The following CNTLN variants were observed in gnomAD, a reference collection of about 807,000 sequenced individuals.
CNTLN encodes centlein, also known as centlein, centrosomal protein.
In CNTLN, 212 loss-of-function variants were observed where a neutral mutation model predicts 180.0. That is an observed-to-expected ratio of 1.18 (90% CI 1.05 to 1.32). The LOEUF (loss-of-function observed/expected upper bound fraction) is 1.32, where lower values mean the gene tolerates loss of function less well. Ranked by LOEUF, CNTLN falls within the 40% of genes most tolerant of loss-of-function variation. The probability of loss-of-function intolerance (pLI) is 0.00; values close to 1 mark genes in which losing one functional copy is unlikely to be tolerated. For missense variants in CNTLN, 2,095 were observed against 1,610.9 expected (o/e 1.30, Z -5.14); for synonymous variants, 722 against 563.1 (o/e 1.28, Z -3.99).
At chr9:17,448,768 T>C (rs1830600964) in intron 18 of CNTLN, among the ~76,000 whole-genome samples, 1 of 152,204 alleles carries the variant, frequency 6.6e-6, no homozygotes, top group Non-Finnish European at 1.5e-5. Context: ...ATTCTTTTCT[T>C]CTTACTGCCA....
chr9:17,425,013 C>G (rs1026915907), intron 18 of CNTLN, among the ~76,000 whole-genome samples: 1 of 152,122 alleles, frequency 6.6e-6, no homozygotes, highest in African/African-American at 2.4e-5. Flanking sequence ...GTTATACATG[C>G]TGTTTAGTGT....
chr9:17,509,986 A>C, the CNTLN span, among the ~76,000 whole-genome samples: 5 of 152,148 alleles, frequency 3.3e-5, no homozygotes. Flanking sequence ...GATCCTGACT[A>C]CCAAGGGGAA....
chr9:17,253,884 C>T (rs62558297), intron 5 of CNTLN, among the ~76,000 whole-genome samples: 35,015 of 150,574 alleles, frequency 0.23, 4,298 homozygotes, highest in South Asian at 0.37. Flanking sequence ...CTTAATTTTT[C>T]CCCATTTAAT....
intron 8 of CNTLN, among the ~76,000 whole-genome samples, chr9:17,312,819 A>G (rs2132955311): frequency 6.6e-6 from 1 of 152,236 alleles, no homozygotes; most frequent in African/African-American, 2.4e-5. Context: ...TGCTCCTTAA[A>G]TATCAATATT....
intron 6 of CNTLN, among the ~76,000 whole-genome samples, chr9:17,288,219 G>T (rs1488116966): frequency 2.5e-5 from 3 of 121,324 alleles, no homozygotes; most frequent in Admixed American, 8.0e-5. Flanking sequence ...CTTTGTTCTC[G>T]TTGGTTTCAA....
intron 5 of CNTLN, among the ~76,000 whole-genome samples, chr9:17,239,913 A>T (rs1312898229): frequency 6.6e-6 from 1 of 151,784 alleles, no homozygotes; most frequent in African/African-American, 2.4e-5. Context: ...TGTCCTCCAT[A>T]TTTTTTCTTT....
chr9:17,337,594 A>G (rs373781279), intron 10 of CNTLN, among the ~76,000 whole-genome samples: 16 of 152,204 alleles, frequency 1.1e-4, no homozygotes, highest in Non-Finnish European at 1.6e-4. Context: ...CTGGCACATC[A>G]TGAATGACAT....
At chr9:17,238,543 G>A (rs1331728915) in intron 5 of CNTLN, among the ~76,000 whole-genome samples, 2 of 152,016 alleles carry the variant, frequency 1.3e-5, no homozygotes, top group Non-Finnish European at 2.9e-5. Flanking sequence ...TCAACAAACA[G>A]GCCTTTCTAA....
At chr9:17,333,358 T>G (rs1273148231) in intron 10 of CNTLN, among the ~76,000 whole-genome samples, 2 of 152,140 alleles carry the variant, frequency 1.3e-5, no homozygotes, top group Admixed American at 6.5e-5. Flanking sequence ...TGAACCCATT[T>G]TGTGTGACTA....
intron 13 of CNTLN, among the ~76,000 whole-genome samples, chr9:17,385,944 C>T (rs1480940264): frequency 6.6e-6 from 1 of 152,054 alleles, no homozygotes; most frequent in African/African-American, 2.4e-5. Context: ...GAAGTAAAAC[C>T]TACCCACTAT....
intron 5 of CNTLN, among the ~76,000 whole-genome samples, chr9:17,253,440 A>T (rs529528120): frequency 2.0e-5 from 3 of 151,460 alleles, no homozygotes; most frequent in South Asian, 2.1e-4. Context: ...AATTTCTTTC[A>T]TCAGTGTTTT....
intron 2 of CNTLN, among the ~76,000 whole-genome samples, chr9:17,217,058 G>A (rs142641618): frequency 6.6e-6 from 1 of 152,344 alleles, no homozygotes; most frequent in African/African-American, 2.4e-5. Flanking sequence ...TTCAAGGTGA[G>A]AGTACTTGCA....
intron 2 of CNTLN, among the ~76,000 whole-genome samples, chr9:17,197,963 G>C (rs1207044536): frequency 6.6e-6 from 1 of 152,086 alleles, no homozygotes; most frequent in Non-Finnish European, 1.5e-5. Context: ...TGTATATCCA[G>C]TTTTCCCAGT....
chr9:17,209,580 C>G (rs1160546926), intron 2 of CNTLN, among the ~76,000 whole-genome samples: 1 of 152,138 alleles, frequency 6.6e-6, no homozygotes, highest in Non-Finnish European at 1.5e-5. Context: ...AATATTTTCT[C>G]TATATGTTTG....
intron 5 of CNTLN, among the ~76,000 whole-genome samples, chr9:17,270,502 T>A (rs983600231): frequency 6.6e-6 from 1 of 152,190 alleles, no homozygotes; most frequent in Non-Finnish European, 1.5e-5. Flanking sequence ...AATACTAGTA[T>A]AGCTTATTTT....
chr9:17,446,314 C>A (rs1830419981), intron 18 of CNTLN, among the ~76,000 whole-genome samples: 1 of 152,162 alleles, frequency 6.6e-6, no homozygotes, highest in Non-Finnish European at 1.5e-5. Flanking sequence ...TGTGGAGGGG[C>A]AACCCACCCC....
At chr9:17,381,732 G>A (rs967867142) in intron 13 of CNTLN, among the ~76,000 whole-genome samples, 2 of 152,186 alleles carry the variant, frequency 1.3e-5, no homozygotes, top group African/African-American at 4.8e-5. Flanking sequence ...GAGTCTATCA[G>A]CTGGGATAAC....
chr9:17,254,338 G>T (rs1169560407), intron 5 of CNTLN, among the ~76,000 whole-genome samples: 2 of 151,524 alleles, frequency 1.3e-5, no homozygotes, highest in South Asian at 2.1e-4. Context: ...TGCTTTTGTT[G>T]TCTATGCTTT....
At chr9:17,170,922 AT>A (rs1820383229) in intron 2 of CNTLN, among the ~76,000 whole-genome samples, 1 of 152,046 alleles carries the variant, frequency 6.6e-6, no homozygotes, top group South Asian at 2.1e-4. Context: ...ACAGTTGCCT[AT>A]AGTATTCAGT....
Sources: gnomAD v4.1 joint callset for allele counts (sites outside exome capture counted in the v4.1 genomes callset) on GRCh38, gnomAD v4.1.1 for gene constraint, MANE v1.5 for transcripts, NCBI Gene and HGNC (gene_info 2026-07-23, HGNC 2026-07-21) for gene names.